RASA1: variants seen among roughly 807,000 people sequenced by gnomAD.
The protein encoded by RASA1 is ras GTPase-activating protein 1.
Under a neutral mutation model 132.2 loss-of-function variants are expected in RASA1, and 25 were observed. That is an observed-to-expected ratio of 0.19 (90% confidence interval 0.14 to 0.26). The LOEUF (loss-of-function observed/expected upper bound fraction) is 0.26. Among genes scored for constraint, RASA1 ranks in the 10% least tolerant of loss-of-function variants. The pLI, the probability that RASA1 is intolerant of heterozygous loss-of-function variation, is 1.00. For synonymous variants in RASA1, 477 were observed against 449.9 expected (o/e 1.06, Z -0.76); for missense variants, 964 against 1,299.2 (o/e 0.74, Z 3.97).
At chr5:87,384,828 AGAGGTCCT>A (rs1761956675) in intron 21 of RASA1, among the ~76,000 whole-genome samples, 1 of 152,134 alleles carries the variant, frequency 6.6e-6, no homozygotes, top group Non-Finnish European at 1.5e-5. Flanking sequence ...AAAATAAAGC[AGAGGTCCT>A]AGACTTTATC....
In RASA1 at chr5:87,268,614, A is replaced by T; in HGVS notation, c.163A>T (p.Thr55Ser). Residue 55 changes from threonine to serine, a missense_variant, in exon 1 of 25, where the codon ACC (threonine) becomes TCC (serine). Thr to Ser is a moderately conservative substitution (Grantham distance 58, BLOSUM62 1). Coordinates refer to ENST00000274376, the MANE Select transcript of RASA1 (RefSeq NM_002890.3). ...AAAPYPGLVE[T>S]GVAGTLGGGA... ...CGCCCCCTATCCTGGGCTGGTGGAG[A>T]CCGGAGTGGCTGGAACTCTGGGTGG... is the stretch of plus-strand genomic sequence containing the variant. 6.2e-7 allele frequency: 1 copy of T among 1,611,710 alleles called. No homozygotes were observed. Among genetic ancestry groups the T allele is most frequent in the East Asian group, 2.2e-5 (1 of 44,810 alleles).
Position 87,341,982 on chromosome 5 carries a change from T to A in RASA1, c.1049+661T>A, listed in dbSNP as rs74588973. Among the ~76,000 whole-genome samples, 428 of 152,254 alleles carry A rather than the reference T, an allele frequency of 2.8e-3. 8 individuals carry two copies. The highest frequency in any genetic ancestry group is 9.9e-3 in the African/African-American group (410 of 41,584). ...CTGACTACTCCATTTGCAGTCACCT[T>A]GTTTAATGCTTCACCCTTCTGTAAG... On this transcript the variant is annotated intron_variant, in intron 6 of 24. Coordinates refer to ENST00000274376, the MANE Select transcript of RASA1 (RefSeq NM_002890.3).
chr5:87,355,406 C>T (rs1415144095), intron 9 of RASA1, among the ~76,000 whole-genome samples: 1 of 152,170 alleles, frequency 6.6e-6, no homozygotes, highest in Non-Finnish European at 1.5e-5. Flanking sequence ...GTCAATGGAA[C>T]TACAAAGCCT....
chr5:87,373,666 T>C (rs2112483420), intron 13 of RASA1, among the ~76,000 whole-genome samples: 1 of 152,240 alleles, frequency 6.6e-6, no homozygotes, highest in East Asian at 1.9e-4. Context: ...AATAACTTAG[T>C]TTCTTTAGGT....
At chr5:87,283,135 G>GT (rs150142048) in intron 1 of RASA1, among the ~76,000 whole-genome samples, 24,671 of 99,526 alleles carry the variant, frequency 0.25, 2,553 homozygotes, top group Non-Finnish European at 0.32. Flanking sequence ...AGTAAGTTTT[G>GT]TTTTTTTTTT....
intron 1 of RASA1, among the ~76,000 whole-genome samples, chr5:87,300,601 A>G (rs1755318638): frequency 6.6e-6 from 1 of 152,242 alleles, no homozygotes; most frequent in Admixed American, 6.5e-5. Flanking sequence ...TTGAAACATG[A>G]TAGAATAAAG....
intron 1 of RASA1, among the ~76,000 whole-genome samples, chr5:87,308,608 G>GTA (rs915644510): frequency 3.3e-5 from 5 of 152,054 alleles, no homozygotes; most frequent in African/African-American, 9.7e-5. Flanking sequence ...TTGCTGTTGT[G>GTA]TATATATATG....
chr5:87,310,456 A>G (rs911213983), intron 1 of RASA1, among the ~76,000 whole-genome samples: 2 of 152,132 alleles, frequency 1.3e-5, no homozygotes, highest in African/African-American at 2.4e-5. Flanking sequence ...ATTTTTTGCA[A>G]TCGAGTTATC....
At chr5:87,381,029 T>C (rs1032048711) in intron 20 of RASA1, among the ~76,000 whole-genome samples, 3 of 152,202 alleles carry the variant, frequency 2.0e-5, no homozygotes, top group African/African-American at 7.2e-5. Context: ...TGAAGCTGTG[T>C]TTCAGTCTGC....
chr5:87,335,339 C>T (rs543792307), intron 4 of RASA1, among the ~76,000 whole-genome samples: 2 of 147,716 alleles, frequency 1.4e-5, no homozygotes, highest in South Asian at 4.3e-4. Flanking sequence ...TTTAGACATT[C>T]TGTATTGGCC....
chr5:87,349,428 A>T, intron 8 of RASA1, 64 bp downstream of exon 8: 1 of 1,539,308 alleles, frequency 6.5e-7, no homozygotes, highest in Non-Finnish European at 8.9e-7. Context: ...TTGATAATAC[A>T]GTATTCAGAG....
intron 1 of RASA1, among the ~76,000 whole-genome samples, chr5:87,276,561 G>C (rs1277492679): frequency 6.6e-6 from 1 of 152,150 alleles, no homozygotes; most frequent in Non-Finnish European, 1.5e-5. Flanking sequence ...GTTGGAAGAT[G>C]AGGCATTACT....
intron 1 of RASA1, among the ~76,000 whole-genome samples, chr5:87,294,823 G>T (rs1169866830): frequency 6.6e-6 from 1 of 152,200 alleles, no homozygotes; most frequent in East Asian, 1.9e-4. Context: ...GCAGTCTGCT[G>T]TTGTTGGATG....
chr5:87,390,445 C>A (rs1179180169), intron 24 of RASA1, among the ~76,000 whole-genome samples: 1 of 151,132 alleles, frequency 6.6e-6, no homozygotes, highest in East Asian at 2.0e-4. Context: ...CCGCAGCTTT[C>A]AAAACTAATA....
At chr5:87,325,265 C>A (rs2112348744) in intron 1 of RASA1, among the ~76,000 whole-genome samples, 1 of 152,316 alleles carries the variant, frequency 6.6e-6, no homozygotes, top group East Asian at 1.9e-4. Flanking sequence ...AATTCAGTTA[C>A]TTCCCACCGG....
At chr5:87,314,319 A>G (rs952103715) in intron 1 of RASA1, among the ~76,000 whole-genome samples, 3 of 152,258 alleles carry the variant, frequency 2.0e-5, no homozygotes, top group African/African-American at 7.2e-5. Context: ...TCTGTAAGCA[A>G]TGGGACTTTT....
chr5:87,337,417 C>A (rs939960854), intron 4 of RASA1, among the ~76,000 whole-genome samples: 1 of 152,038 alleles, frequency 6.6e-6, no homozygotes, highest in African/African-American at 2.4e-5. Context: ...TAATGGGTAT[C>A]TGGGTGAATT....
At chr5:87,271,007 G>C (rs1001929571) in intron 1 of RASA1, among the ~76,000 whole-genome samples, 3 of 152,162 alleles carry the variant, frequency 2.0e-5, no homozygotes, top group African/African-American at 7.2e-5. Context: ...GGGAGGCCGA[G>C]GCGGGTGGAT....
At chr5:87,328,039 C>T (rs1466858034) in intron 1 of RASA1, among the ~76,000 whole-genome samples, 1 of 151,288 alleles carries the variant, frequency 6.6e-6, no homozygotes, top group Non-Finnish European at 1.5e-5. Context: ...TTGTTTTTTA[C>T]ATTGGCATGG....
Sources: gnomAD v4.1 joint callset for allele counts (sites outside exome capture counted in the v4.1 genomes callset) on GRCh38, gnomAD v4.1.1 for gene constraint, MANE v1.5 for transcripts, NCBI Gene and HGNC (gene_info 2026-07-23, HGNC 2026-07-21) for gene names.